The following DSCAM variants were observed in gnomAD, a reference collection of about 807,000 sequenced individuals.
DSCAM encodes the protein cell adhesion molecule DSCAM.
In DSCAM, 47 loss-of-function variants were observed where a neutral mutation model predicts 217.7. The ratio of observed to expected loss-of-function variants is 0.22; its 90% CI spans 0.17 to 0.28. DSCAM has a LOEUF of 0.28. Ranked by LOEUF, DSCAM falls within the 10% of genes least tolerant of loss-of-function variation. DSCAM has a pLI of 1.00. For missense variants in DSCAM, 2,080 were observed against 2,618.3 expected (o/e 0.79, Z 4.49); for synonymous variants, 1,056 against 1,015.3 (o/e 1.04, Z -0.76).
chr21:40,167,379 C>T, intron 15 of DSCAM, 91 bp from the exon 16 acceptor site: 1 of 1,110,424 alleles, frequency 9.0e-7, no homozygotes, highest in Non-Finnish European at 1.4e-6. Flanking sequence ...CGAGGACAAC[C>T]CATCCCTATG....
chr21:40,833,883 G>C (rs2123654511), intron 1 of DSCAM, among the ~76,000 whole-genome samples: 1 of 152,242 alleles, frequency 6.6e-6, no homozygotes, highest in Non-Finnish European at 1.5e-5. Flanking sequence ...TTGTCGTGGG[G>C]AGCTGTCCTG....
intron 11 of DSCAM, among the ~76,000 whole-genome samples, chr21:40,217,437 G>A (rs1409027282): frequency 1.3e-5 from 2 of 151,836 alleles, no homozygotes; most frequent in East Asian, 3.9e-4. Flanking sequence ...TTTAGGTTTG[G>A]GGTACATGTG....
chr21:40,316,999 G>C (rs543910864), intron 8 of DSCAM, among the ~76,000 whole-genome samples: 3 of 152,276 alleles, frequency 2.0e-5, no homozygotes, highest in African/African-American at 7.2e-5. Flanking sequence ...TCTTGATCCA[G>C]TTTATTTAGC....
At chr21:40,110,227 G>A (rs2089878487) in intron 20 of DSCAM, among the ~76,000 whole-genome samples, 1 of 152,166 alleles carries the variant, frequency 6.6e-6, no homozygotes, top group South Asian at 2.1e-4. Context: ...ATTTCCACAG[G>A]AAAGATCAGG....
intron 3 of DSCAM, among the ~76,000 whole-genome samples, chr21:40,488,970 T>C (rs772967922): frequency 6.6e-6 from 1 of 152,196 alleles, no homozygotes; most frequent in Non-Finnish European, 1.5e-5. Context: ...TCCTCATGTA[T>C]AATAGGATAG....
intron 3 of DSCAM, among the ~76,000 whole-genome samples, chr21:40,597,658 C>T (rs537483316): frequency 6.6e-6 from 1 of 151,886 alleles, no homozygotes; most frequent in Non-Finnish European, 1.5e-5. Flanking sequence ...AGGTGCCCAC[C>T]ACCACGCCCA....
chr21:40,310,577 T>C (rs2074126501), intron 9 of DSCAM, among the ~76,000 whole-genome samples: 1 of 152,252 alleles, frequency 6.6e-6, no homozygotes, highest in South Asian at 2.1e-4. Flanking sequence ...TCATCTGATT[T>C]TGCCTTGGTT....
Position 40,620,308 on chromosome 21 carries a change from G to A in DSCAM, c.508+72502C>T, listed in dbSNP as rs200657037. On this transcript the variant is annotated intron_variant, in intron 3 of 32. Coordinates refer to ENST00000400454, the MANE Select transcript of DSCAM (RefSeq NM_001389.5). ...GAGAGAGAAAAAAGAAAAAGAAAGAGAGAGAGAAAGAGAGAGAAAAAAGAA... is the reference window on the plus strand; with the variant it reads ...GAGAGAGAAAAAAGAAAAAGAAAGAAAGAGAGAAAGAGAGAGAAAAAAGAA... Among the ~76,000 whole-genome samples the A allele has an allele frequency of 7.4e-4, 79 of 107,418 alleles. 1 individual carries two copies. The highest frequency in any genetic ancestry group is 1.8e-3 in the East Asian group (5 of 2,740). The allele number at this position is 107,418 out of a possible 152,430, so 70.5% of individuals were successfully genotyped here. A position where few individuals can be genotyped will look rare whatever the true frequency, so the allele number is the denominator to read the frequency against.
At chr21:40,230,897 G>C (rs73225009) in intron 11 of DSCAM, among the ~76,000 whole-genome samples, 1 of 151,908 alleles carries the variant, frequency 6.6e-6, no homozygotes, top group Non-Finnish European at 1.5e-5. Flanking sequence ...CCAAGTGTCT[G>C]CCTCTCTTCC....
chr21:40,376,939 G>A (rs1029291282), intron 3 of DSCAM, among the ~76,000 whole-genome samples: 3 of 151,874 alleles, frequency 2.0e-5, no homozygotes, highest in Admixed American at 1.3e-4. Flanking sequence ...GCAGTACCTC[G>A]GGATGTGACT....
At chr21:40,207,557 T>C (rs939821090) in intron 11 of DSCAM, among the ~76,000 whole-genome samples, 4 of 152,260 alleles carry the variant, frequency 2.6e-5, no homozygotes, top group Admixed American at 1.3e-4. Flanking sequence ...TGCAATCTTA[T>C]TGATTATAGG....
intron 11 of DSCAM, among the ~76,000 whole-genome samples, chr21:40,268,374 C>T (rs898422115): frequency 6.6e-6 from 1 of 152,092 alleles, no homozygotes; most frequent in African/African-American, 2.4e-5. Flanking sequence ...AGTGACCCCA[C>T]AGTCAAGGAC....
chr21:40,078,730 G>A lies in DSCAM; in HGVS notation c.4668C>T (p.Cys1556=), dbSNP rs756384781. 1.5e-5 allele frequency: 24 copies of A among 1,614,084 alleles called. No individual in the cohort carries two copies. Among genetic ancestry groups the A allele is most frequent in the East Asian group, 2.2e-5 (1 of 44,890 alleles). ...LQMRVCNSAG[C]AEKQANFATL... is the part of the protein sequence containing the mutation. The stretch of plus-strand genomic sequence containing the variant: ...TAGCGAAGTTGGCCTGCTTCTCCGC[G>A]CAGCCCGCACTGTTGCACACCCGCA... Residue 1556 remains cysteine, a synonymous_variant, in exon 26 of 33, where the codon TGC becomes TGT. Transcript: ENST00000400454.
chr21:40,064,619 C>T (rs1350240495), intron 27 of DSCAM, among the ~76,000 whole-genome samples: 1 of 152,158 alleles, frequency 6.6e-6, no homozygotes, highest in East Asian at 1.9e-4. Context: ...CTTCCCTAAA[C>T]CTAACACTGA....
At chr21:40,078,417 C>T (rs950041459) in intron 26 of DSCAM, among the ~76,000 whole-genome samples, 4 of 152,182 alleles carry the variant, frequency 2.6e-5, no homozygotes, top group African/African-American at 9.6e-5. Flanking sequence ...AAGAGTCCTT[C>T]AGCCCTAAGA....
intron 30 of DSCAM, among the ~76,000 whole-genome samples, chr21:40,048,927 G>A (rs1381797949): frequency 6.6e-6 from 1 of 152,108 alleles, no homozygotes; most frequent in African/African-American, 2.4e-5. Context: ...AAAACACGGA[G>A]TGTTGTCAGT....
At chr21:40,266,655 ATATATATATATATATAATCTTGAAATTT>A (rs1569031945) in intron 11 of DSCAM, among the ~76,000 whole-genome samples, 2 of 124,964 alleles carry the variant, frequency 1.6e-5, no homozygotes, top group African/African-American at 6.4e-5. Flanking sequence ...ATATATATAT[ATATATATATATATATAATCTTGAAATTT>A]TATATATATA....
intron 11 of DSCAM, among the ~76,000 whole-genome samples, chr21:40,197,929 G>A (rs1286920204): frequency 6.6e-6 from 1 of 152,186 alleles, no homozygotes; most frequent in Admixed American, 6.5e-5. Flanking sequence ...TTCCCTTATA[G>A]TAGCGGAGGA....
intron 19 of DSCAM, among the ~76,000 whole-genome samples, chr21:40,126,508 T>C (rs1453892372): frequency 6.6e-6 from 1 of 152,160 alleles, no homozygotes; most frequent in Non-Finnish European, 1.5e-5. Context: ...ATGCAGATGC[T>C]ACACATTAAA....
Sources: allele counts gnomAD v4.1 joint callset (sites outside exome capture counted in the v4.1 genomes callset), GRCh38; gene constraint gnomAD v4.1.1; transcripts MANE v1.5; gene names NCBI Gene and HGNC (gene_info 2026-07-23, HGNC 2026-07-21).